ASCC3: variants seen among roughly 807,000 people sequenced by gnomAD.
ASCC3 encodes ASC-1 complex subunit P200.
A neutral mutation model predicts 256.3 loss-of-function variants in ASCC3; 158 were observed. The ratio of observed to expected loss-of-function variants is 0.62; its 90% confidence interval spans 0.54 to 0.70. The LOEUF (loss-of-function observed/expected upper bound fraction) is 0.70. Among genes scored for constraint, ASCC3 ranks in the 30% least tolerant of loss-of-function variants. The pLI, the probability that ASCC3 is intolerant of heterozygous loss-of-function variation, is 0.00. For missense variants in ASCC3, 2,259 were observed against 2,626.0 expected (o/e 0.86, Z 3.05); for synonymous variants, 948 against 883.4 (o/e 1.07, Z -1.30).
intron 8 of ASCC3, 131 bp downstream of exon 8, chr6:100,798,582 A>T (rs1192612990): frequency 3.7e-6 from 5 of 1,357,818 alleles, no homozygotes; most frequent in Admixed American, 1.9e-5. Flanking sequence ...GTAATTCTCT[A>T]GTAACCAACT....
At chr6:100,700,512 C>A (rs1273320254) in intron 13 of ASCC3, among the ~76,000 whole-genome samples, 1 of 152,126 alleles carries the variant, frequency 6.6e-6, no homozygotes, top group Non-Finnish European at 1.5e-5. Context: ...AATGGTAGAT[C>A]CACTGACAGC....
chr6:100,765,401 T>C (rs1781605384), intron 10 of ASCC3, among the ~76,000 whole-genome samples: 1 of 152,186 alleles, frequency 6.6e-6, no homozygotes, highest in Non-Finnish European at 1.5e-5. Context: ...TTTTTAAGTC[T>C]GATAAGAAAC....
At chr6:100,589,868 T>A in intron 35 of ASCC3, 80 bp downstream of exon 35, 7 of 1,591,882 alleles carry the variant, frequency 4.4e-6, no homozygotes, top group Non-Finnish European at 6.0e-6. Context: ...TTTTAAAAAA[T>A]TTTGATAGTA....
chr6:100,739,588 C>T (rs567805342), intron 10 of ASCC3, among the ~76,000 whole-genome samples: 31 of 152,220 alleles, frequency 2.0e-4, no homozygotes, highest in African/African-American at 7.5e-4. Flanking sequence ...GGTTGGTAGG[C>T]TATGTATTAC....
intron 4 of ASCC3, among the ~76,000 whole-genome samples, chr6:100,808,526 A>G (rs1334590790): frequency 2.6e-5 from 4 of 151,944 alleles, no homozygotes; most frequent in Non-Finnish European, 5.9e-5. Flanking sequence ...CCAAAAATAT[A>G]TATCATAGCA....
Position 100,830,030 on chromosome 6 carries a change from G to A in ASCC3, c.801+18118C>T, listed in dbSNP as rs1771544953. Among the ~76,000 whole-genome samples the A allele has an allele frequency of 2.0e-5, 3 of 151,978 alleles. No individual in the cohort carries two copies. The South Asian group carries it at 6.2e-4, about 32-fold the overall frequency. On this transcript the variant is annotated intron_variant, in intron 4 of 41. Coordinates refer to ENST00000369162, the MANE Select transcript of ASCC3 (RefSeq NM_006828.4). ...TGATTCACGTCCCAGGCAGGACAGA[G>A]CAAGATGGTACAAGACTACCCACAA...
At chr6:100,668,693 T>G (rs1776597063) in intron 14 of ASCC3, among the ~76,000 whole-genome samples, 1 of 151,900 alleles carries the variant, frequency 6.6e-6, no homozygotes, top group Admixed American at 6.6e-5. Context: ...ACAGAATTCA[T>G]CAATGCATTA....
chr6:100,845,751 T>C (rs538753751), intron 4 of ASCC3, among the ~76,000 whole-genome samples: 1 of 152,292 alleles, frequency 6.6e-6, no homozygotes, highest in South Asian at 2.1e-4. Context: ...TTTATTCCCA[T>C]GTTTCTAACA....
rs190889568 is a variant in ASCC3, at chr6:100,776,557, A to T, written c.1396-9212T>A. Among the ~76,000 whole-genome samples the T allele has an allele frequency of 9.2e-5, 14 of 152,218 alleles. 1 individual carries two copies. Among genetic ancestry groups the T allele is most frequent in the Admixed American group, 7.9e-4 (12 of 15,282 alleles). On this transcript the variant is annotated intron_variant, in intron 8 of 41. Coordinates refer to ENST00000369162, the MANE Select transcript of ASCC3 (RefSeq NM_006828.4). The stretch of plus-strand genomic sequence containing the variant: ...GGACTCACTAGACTACTGAAATAAG[A>T]TGACTTATTTATGAAATTCCATAGA...
chr6:100,620,326 C>A (rs1283512080), intron 30 of ASCC3, among the ~76,000 whole-genome samples: 1 of 152,130 alleles, frequency 6.6e-6, no homozygotes, highest in Non-Finnish European at 1.5e-5. Flanking sequence ...ATAAGGATTC[C>A]TAATGACAAT....
At chr6:100,615,715 C>A (rs1317692488) in intron 30 of ASCC3, among the ~76,000 whole-genome samples, 2 of 152,208 alleles carry the variant, frequency 1.3e-5, no homozygotes, top group Non-Finnish European at 2.9e-5. Flanking sequence ...CCAACTAAGG[C>A]AAAATAAAAT....
chr6:100,790,120 A>C (rs1239719759), intron 8 of ASCC3, among the ~76,000 whole-genome samples: 2 of 152,012 alleles, frequency 1.3e-5, no homozygotes, highest in African/African-American at 4.8e-5. Flanking sequence ...TTGAAGGGAC[A>C]GTTTATATAA....
At chr6:100,733,420 CTA>C (rs1780002053) in intron 10 of ASCC3, among the ~76,000 whole-genome samples, 1 of 152,022 alleles carries the variant, frequency 6.6e-6, no homozygotes, top group Admixed American at 6.6e-5. Context: ...GATTTTCACT[CTA>C]TTAGTTCCCA....
rs1228022161 is a variant in ASCC3, at chr6:100,606,039, T to A, written c.5045-339A>T. 5.3e-5 allele frequency among the ~76,000 whole-genome samples: 8 copies of A among 151,786 alleles called. No homozygotes were observed. In the East Asian group the frequency reaches 1.3e-3, roughly 26 times the overall value. On this transcript the variant is annotated intron_variant, in intron 32 of 41. Coordinates refer to ENST00000369162, the MANE Select transcript of ASCC3 (RefSeq NM_006828.4). ...ATTATTTTAATTAAATAAGAAAAAG[T>A]AAAAAATAAAATATATATACAAAAA...
At chr6:100,836,166 A>G (rs148396780) in intron 4 of ASCC3, among the ~76,000 whole-genome samples, 2 of 152,182 alleles carry the variant, frequency 1.3e-5, no homozygotes, top group East Asian at 1.9e-4. Flanking sequence ...AGGGTTTCCT[A>G]TACATAAGAT....
At chr6:100,625,893 T>C (rs1239783754) in intron 29 of ASCC3, among the ~76,000 whole-genome samples, 3 of 151,930 alleles carry the variant, frequency 2.0e-5, no homozygotes, top group African/African-American at 7.2e-5. Flanking sequence ...AGAAGAAAGT[T>C]TTCCCTCCAT....
intron 37 of ASCC3, among the ~76,000 whole-genome samples, chr6:100,533,050 T>C (rs1304624647): frequency 1.3e-5 from 2 of 152,162 alleles, no homozygotes; most frequent in Non-Finnish European, 2.9e-5. Flanking sequence ...TTCAGACTGA[T>C]TAATTCACAT....
At chr6:100,662,895 G>T (rs1776293215) in intron 14 of ASCC3, among the ~76,000 whole-genome samples, 2 of 151,950 alleles carry the variant, frequency 1.3e-5, no homozygotes, top group African/African-American at 4.8e-5. Flanking sequence ...CTCCTTAAGA[G>T]TAAAGGCCAG....
chr6:100,548,360 T>C (rs994124022), intron 36 of ASCC3, among the ~76,000 whole-genome samples: 6 of 151,872 alleles, frequency 4.0e-5, no homozygotes, highest in African/African-American at 1.4e-4. Context: ...CAGAACCCCA[T>C]GCCCATATTA....
Sources: gnomAD v4.1 joint callset for allele counts (sites outside exome capture counted in the v4.1 genomes callset) on GRCh38, gnomAD v4.1.1 for gene constraint, MANE v1.5 for transcripts, NCBI Gene and HGNC (gene_info 2026-07-23, HGNC 2026-07-21) for gene names.